Variants in AGXT2 observed in about 807,000 individuals in gnomAD.
AGXT2 encodes alanine--glyoxylate aminotransferase 2, also known as alanine--glyoxylate aminotransferase 2, mitochondrial.
AGXT2 carries 61 observed loss-of-function variants against 62.5 expected under a neutral mutation model. That is an observed-to-expected ratio of 0.98 (90% CI 0.79 to 1.21). The LOEUF is 1.21. Among genes scored for constraint, AGXT2 ranks in the 50% most tolerant of loss-of-function variants. The probability of loss-of-function intolerance (pLI) is 0.00; values close to 1 mark genes in which losing one functional copy is unlikely to be tolerated. For synonymous variants in AGXT2, 243 were observed against 218.7 expected (o/e 1.11, Z -0.98); for missense variants, 666 against 641.5 (o/e 1.04, Z -0.41).
intron 13 of AGXT2, among the ~76,000 whole-genome samples, chr5:35,001,074 C>T (rs1302173445): frequency 6.6e-6 from 1 of 152,218 alleles, no homozygotes; most frequent in Non-Finnish European, 1.5e-5. Context: ...TTAAGGTATG[C>T]TGGCTAAGCT....
chr5:35,026,102 G>A (rs1767333964), intron 8 of AGXT2: 1 of 593,324 alleles, frequency 1.7e-6, no homozygotes, highest in Non-Finnish European at 3.0e-6. Context: ...AAAGAAATTG[G>A]TGAGACTAAA....
Position 35,026,445 on chromosome 5 carries a change from T to A in AGXT2, c.835A>T (p.Lys279Ter), listed in dbSNP as rs149356098. 5 of 1,614,074 alleles carry A rather than the reference T, an allele frequency of 3.1e-6. No homozygotes were observed. The African/African-American group carries it at 6.7e-5, about 22-fold the overall frequency. The change falls in exon 8 of 14, where the codon AAG becomes TAG. Residue 279 changes from lysine (K) to a stop codon, truncating the protein, a stop_gained. Coordinates refer to ENST00000231420, the MANE Select transcript of AGXT2 (RefSeq NM_031900.4). LOFTEE classifies it high-confidence loss of function. ...TCTGCGAAAAATCCAGCAATTGACT[T>A]GGCCACAGATGTGCTCAGCGTATCT... is the stretch of plus-strand genomic sequence containing the variant. ...FKDTLSTSVA[K>*]SIAGFFAEPI...
At chr5:35,033,615 G>C in intron 5 of AGXT2, 62 bp from the exon 6 acceptor site, 1 of 1,319,342 alleles carries the variant, frequency 7.6e-7, no homozygotes. Flanking sequence ...TAGGACAAAA[G>C]AGAAAACCCA....
rs912613397 is a variant in AGXT2, at chr5:35,000,003, C to G, written c.1438-1177G>C. On this transcript the variant is annotated intron_variant, in intron 13 of 13. Transcript: ENST00000231420. ...TACAAATCTTTGTTGACCCCCTTGTCCCCTATGGCTACCTCGCAAATGCTT... is the reference window on the plus strand; with the variant it reads ...TACAAATCTTTGTTGACCCCCTTGTGCCCTATGGCTACCTCGCAAATGCTT... Among the ~76,000 whole-genome samples the G allele has an allele frequency of 2.0e-5, 3 of 152,204 alleles. No individual in the cohort carries two copies. In the South Asian group the frequency reaches 6.2e-4, roughly 31 times the overall value.
chr5:35,003,892 T>C, intron 12 of AGXT2, 31 bp from the exon 13 acceptor site: 2 of 1,603,246 alleles, frequency 1.2e-6, no homozygotes, highest in Non-Finnish European at 1.7e-6. Context: ...TTCTTTCTAT[T>C]TGGTGTTGGA....
At position 35,003,869 on chromosome 5, in the gene AGXT2, T is replaced by C. The variant is rs767177255; in HGVS notation, c.1339-8A>G. On this transcript the variant is annotated splice_polypyrimidine_tract_variant and splice_region_variant and intron_variant, in intron 12 of 13. Transcript: ENST00000231420. Reference sequence around the variant, plus strand: ...AAGAGGCCGACAGCTTATCTGTAAATATATTTTTAAAATTCTTTCTATTTG... The same window carrying C: ...AAGAGGCCGACAGCTTATCTGTAAACATATTTTTAAAATTCTTTCTATTTG... 7.4e-6 allele frequency: 12 copies of C among 1,612,386 alleles called. No homozygotes were observed. Among genetic ancestry groups the C allele is most frequent in the Middle Eastern group, 1.6e-4 (1 of 6,074 alleles).
rs775024717 is a variant in AGXT2 at position 35,039,333 on chromosome 5, T to G, written c.353A>C (p.His118Pro). ...FSGIVTVSVGHCHPKVNAVAQ... is the reference protein window; with the variant it reads ...FSGIVTVSVGPCHPKVNAVAQ... ...TTTTAAGGATACTCACGGGTGGCAA[T>G]GGCCAACACTGACAGTAACAATCCC... Residue 118 changes from histidine to proline, a missense_variant, in exon 3 of 14, where the codon CAT becomes CCT. Physicochemically the swap from His to Pro is moderately conservative, Grantham distance 77. Coordinates refer to ENST00000231420, the MANE Select transcript of AGXT2 (RefSeq NM_031900.4). The G allele has an allele frequency of 8.1e-6, 13 of 1,613,910 alleles. No individual in the cohort carries two copies. Among genetic ancestry groups the G allele is most frequent in the Non-Finnish European group, 1.1e-5 (13 of 1,179,914 alleles).
At chr5:35,046,008 C>A (rs1457946667) in intron 1 of AGXT2, among the ~76,000 whole-genome samples, 1 of 152,044 alleles carries the variant, frequency 6.6e-6, no homozygotes, top group Non-Finnish European at 1.5e-5. Flanking sequence ...ACCTCGTGAT[C>A]CGCCCGCCTC....
chr5:35,003,408 A>C (rs924555577), intron 13 of AGXT2, among the ~76,000 whole-genome samples: 8 of 152,300 alleles, frequency 5.3e-5, no homozygotes, highest in Admixed American at 3.9e-4. Flanking sequence ...AGAATTAATT[A>C]TACAGGAGAT....
intron 9 of AGXT2, among the ~76,000 whole-genome samples, chr5:35,018,312 G>A (rs1766930221): frequency 6.6e-6 from 1 of 152,102 alleles, no homozygotes; most frequent in South Asian, 2.1e-4. Context: ...AATGTTAAAG[G>A]CAGCAAGAGA....
intron 3 of AGXT2, among the ~76,000 whole-genome samples, chr5:35,038,586 C>T (rs2112281668): frequency 6.6e-6 from 1 of 152,302 alleles, no homozygotes; most frequent in Non-Finnish European, 1.5e-5. Flanking sequence ...TGACAGCTGC[C>T]TGAGGGGGGG....
chr5:35,033,681 A>T (rs1045921960), intron 5 of AGXT2, 128 bp from the exon 6 acceptor site: 14 of 730,174 alleles, frequency 1.9e-5, no homozygotes, highest in Non-Finnish European at 2.5e-6. Context: ...GATTTCTAAG[A>T]ACGCATCTAA....
intron 12 of AGXT2, among the ~76,000 whole-genome samples, chr5:35,005,699 C>T (rs775763217): frequency 3.3e-5 from 5 of 151,844 alleles, no homozygotes; most frequent in Non-Finnish European, 7.4e-5. Context: ...TGAAACTCTG[C>T]TGAGGCTTAA....
intron 9 of AGXT2, among the ~76,000 whole-genome samples, chr5:35,016,907 C>A (rs1766866196): frequency 6.6e-6 from 1 of 152,174 alleles, no homozygotes; most frequent in Non-Finnish European, 1.5e-5. Flanking sequence ...GGGACAGAAG[C>A]AGGCTGGGTC....
chr5:35,036,867 G>A (rs890232371), intron 4 of AGXT2, 75 bp downstream of exon 4: 6 of 1,603,010 alleles, frequency 3.7e-6, no homozygotes, highest in Non-Finnish European at 5.1e-6. Context: ...TAAGACTCCT[G>A]TCTCTTTGAG....
intron 13 of AGXT2, among the ~76,000 whole-genome samples, chr5:34,999,666 A>G (rs1766156300): frequency 6.6e-6 from 1 of 152,088 alleles, no homozygotes. Flanking sequence ...AACCTTTATC[A>G]TTCCTCTCAA....
At position 35,010,149 on chromosome 5, in the gene AGXT2, C is replaced by A. The variant is rs150037067; in HGVS notation, c.1189G>T (p.Val397Leu). The A allele has an allele frequency of 7.4e-5, 119 of 1,614,192 alleles. No individual in the cohort carries two copies. The African/African-American group carries it at 1.4e-3, about 19-fold the overall frequency. The change falls in exon 12 of 14, where the codon GTG (valine) becomes TTG (leucine). Residue 397 changes from valine (V) to leucine (L), a missense_variant and splice_region_variant. Val to Leu is a conservative substitution (Grantham distance 32, BLOSUM62 1). Transcript: ENST00000231420. ...TCCTGTAGATTTTCTTCTTTAATCA[C>A]CTGTTAAGAGAAAGCCCCAAATGAT... Reference protein sequence around the residue: ...ACAIGSAVLEVIKEENLQENS... With the variant: ...ACAIGSAVLELIKEENLQENS...
At chr5:35,021,304 A>G (rs1024485165) in intron 9 of AGXT2, among the ~76,000 whole-genome samples, 115 of 152,176 alleles carry the variant, frequency 7.6e-4, no homozygotes, top group African/African-American at 2.5e-3. Flanking sequence ...GAGGCATCAC[A>G]CTACCTGACT....
chr5:35,028,815 T>C (rs1767462917), intron 7 of AGXT2, among the ~76,000 whole-genome samples: 1 of 152,092 alleles, frequency 6.6e-6, no homozygotes, highest in Admixed American at 6.6e-5. Flanking sequence ...TCAACCCGAG[T>C]GACAGTGAAA....
Sources: allele counts gnomAD v4.1 joint callset (sites outside exome capture counted in the v4.1 genomes callset), GRCh38; gene constraint gnomAD v4.1.1; transcripts MANE v1.5; gene names NCBI Gene and HGNC (gene_info 2026-07-23, HGNC 2026-07-21).